GALNT13: variants seen among roughly 807,000 people sequenced by gnomAD.
GALNT13 encodes UDP-GalNAc:polypeptide N-acetylgalactosaminyltransferase 13.
Under a neutral mutation model 64.2 loss-of-function variants are expected in GALNT13, and 28 were observed. The ratio of observed to expected loss-of-function variants is 0.44; its 90% CI spans 0.32 to 0.60. The LOEUF is 0.60. Ranked by LOEUF, GALNT13 falls within the 20% of genes least tolerant of loss-of-function variation. GALNT13 has a pLI of 0.05. For missense variants in GALNT13, 577 were observed against 669.8 expected (o/e 0.86, Z 1.53); for synonymous variants, 214 against 224.6 (o/e 0.95, Z 0.42).
At chr2:154,024,092 G>C (rs1697751806) in intron 3 of GALNT13, among the ~76,000 whole-genome samples, 1 of 152,132 alleles carries the variant, frequency 6.6e-6, no homozygotes, top group East Asian at 1.9e-4. Context: ...TTCCCTTTGT[G>C]GGTAACCCGA....
At chr2:153,536,462 GTT>G in the GALNT13 span, among the ~76,000 whole-genome samples, 1 of 150,076 alleles carries the variant, frequency 6.7e-6, no homozygotes, top group African/African-American at 2.4e-5. Flanking sequence ...GTGATTTTGA[GTT>G]TTTTTTTTTA....
At chr2:153,517,107 G>T in the GALNT13 span, among the ~76,000 whole-genome samples, 1 of 152,166 alleles carries the variant, frequency 6.6e-6, no homozygotes, top group African/African-American at 2.4e-5. Flanking sequence ...GTTTGCTATT[G>T]CAAGGGACTA....
At chr2:153,221,241 A>T in the GALNT13 span, among the ~76,000 whole-genome samples, 52,061 of 151,914 alleles carry the variant, frequency 0.34, 9,067 homozygotes, top group Middle Eastern at 0.5. Context: ...AGATTGCGCC[A>T]CTGCACTCCA....
At chr2:153,439,383 C>T in the GALNT13 span, among the ~76,000 whole-genome samples, 1 of 152,194 alleles carries the variant, frequency 6.6e-6, no homozygotes. Context: ...GAGGTTACTG[C>T]TGCCTTTTGT....
the GALNT13 span, among the ~76,000 whole-genome samples, chr2:153,687,216 G>A: frequency 3.9e-5 from 6 of 151,966 alleles, no homozygotes; most frequent in African/African-American, 1.2e-4. Context: ...CTGTAGCAAT[G>A]GTACCAGCTC....
the GALNT13 span, among the ~76,000 whole-genome samples, chr2:153,327,020 G>T: frequency 2.6e-5 from 4 of 152,082 alleles, no homozygotes; most frequent in Admixed American, 6.6e-5. Flanking sequence ...GGAGGCAGAG[G>T]TTGCAGTGAG....
chr2:153,413,620 C>A, the GALNT13 span, among the ~76,000 whole-genome samples: 1 of 152,074 alleles, frequency 6.6e-6, no homozygotes, highest in Non-Finnish European at 1.5e-5. Flanking sequence ...TCTATTGAGT[C>A]CATGTAAAAT....
At chr2:153,894,312 T>C (rs1035299431) in intron 1 of GALNT13, among the ~76,000 whole-genome samples, 1 of 151,972 alleles carries the variant, frequency 6.6e-6, no homozygotes, top group African/African-American at 2.4e-5. Flanking sequence ...GATGATAGAG[T>C]ATTCAGTTAG....
chr2:153,474,403 C>T, the GALNT13 span, among the ~76,000 whole-genome samples: 2 of 152,124 alleles, frequency 1.3e-5, no homozygotes, highest in Admixed American at 6.5e-5. Flanking sequence ...GCAGGATTGA[C>T]TTGCATCCAG....
At chr2:154,186,988 A>C (rs1686288144) in intron 4 of GALNT13, among the ~76,000 whole-genome samples, 1 of 152,046 alleles carries the variant, frequency 6.6e-6, no homozygotes, top group Non-Finnish European at 1.5e-5. Context: ...CAGAACCAAA[A>C]AAAAACCCCC....
At chr2:153,514,025 A>T in the GALNT13 span, among the ~76,000 whole-genome samples, 1 of 152,176 alleles carries the variant, frequency 6.6e-6, no homozygotes, top group East Asian at 1.9e-4. Flanking sequence ...GGATATTAAA[A>T]ACATTACATT....
At chr2:153,992,302 G>A (rs1258051283) in intron 3 of GALNT13, among the ~76,000 whole-genome samples, 2 of 152,154 alleles carry the variant, frequency 1.3e-5, no homozygotes, top group African/African-American at 2.4e-5. Flanking sequence ...TAATTAGTGT[G>A]CTAAGATTAT....
intron 2 of GALNT13, among the ~76,000 whole-genome samples, chr2:153,908,858 C>A (rs1688753096): frequency 6.6e-6 from 1 of 151,882 alleles, no homozygotes; most frequent in South Asian, 2.1e-4. Flanking sequence ...GCTGAGATAT[C>A]TTGCCTTGGA....
the GALNT13 span, among the ~76,000 whole-genome samples, chr2:153,340,846 A>G: frequency 1.3e-5 from 2 of 152,192 alleles, no homozygotes; most frequent in Admixed American, 6.5e-5. Context: ...CCTGAATTCA[A>G]TGTACTTTTT....
At chr2:153,934,311 G>A (rs1690744838) in intron 2 of GALNT13, among the ~76,000 whole-genome samples, 1 of 152,166 alleles carries the variant, frequency 6.6e-6, no homozygotes, top group Admixed American at 6.5e-5. Flanking sequence ...AGTTTAGTGA[G>A]TGTATCTGTA....
At chr2:153,723,760 C>T in the GALNT13 span, among the ~76,000 whole-genome samples, 4 of 151,420 alleles carry the variant, frequency 2.6e-5, no homozygotes, top group Non-Finnish European at 4.4e-5. Flanking sequence ...ATGTGAAGGA[C>T]CTCTTCAAGG....
the GALNT13 span, among the ~76,000 whole-genome samples, chr2:153,698,416 TAGAA>T: frequency 2.0e-5 from 3 of 148,976 alleles, no homozygotes; most frequent in African/African-American, 5.0e-5. Context: ...ACCAAGCAAA[TAGAA>T]AGAAAAAAAA....
At chr2:154,411,990 C>T (rs1699816974) in intron 11 of GALNT13, among the ~76,000 whole-genome samples, 1 of 151,740 alleles carries the variant, frequency 6.6e-6, no homozygotes, top group South Asian at 2.1e-4. Context: ...ACATACTAAA[C>T]ATGCAATGTG....
the GALNT13 span, chr2:153,356,598 A>C: frequency 6.6e-6 from 1 of 152,266 alleles, no homozygotes; most frequent in Middle Eastern, 3.4e-3. Flanking sequence ...AGCAGGTAAA[A>C]GTTTATAGTG....
Sources: allele counts gnomAD v4.1 joint callset (sites outside exome capture counted in the v4.1 genomes callset), GRCh38; gene constraint gnomAD v4.1.1; transcripts MANE v1.5; gene names NCBI Gene and HGNC (gene_info 2026-07-23, HGNC 2026-07-21).